The following E2F3 variants were observed in gnomAD, a reference collection of about 807,000 sequenced individuals.
The protein encoded by E2F3 is transcription factor E2F3.
A neutral mutation model predicts 44.4 loss-of-function variants in E2F3; 11 were observed. That is an observed-to-expected ratio of 0.25 (90% confidence interval 0.16 to 0.41). E2F3 has a LOEUF of 0.41. Among genes scored for constraint, E2F3 ranks in the 10% least tolerant of loss-of-function variants. E2F3 has a pLI of 1.00. For synonymous variants in E2F3, 249 were observed against 253.0 expected (o/e 0.98, Z 0.15); for missense variants, 487 against 583.6 (o/e 0.83, Z 1.70).
At chr6:20,483,837 C>T (rs1762308526) in intron 4 of E2F3, among the ~76,000 whole-genome samples, 1 of 152,210 alleles carries the variant, frequency 6.6e-6, no homozygotes, top group African/African-American at 2.4e-5. Flanking sequence ...GTGTTCTGCC[C>T]AGATTCTTCT....
chr6:20,432,813 T>C (rs1279620003), intron 1 of E2F3, among the ~76,000 whole-genome samples: 1 of 152,080 alleles, frequency 6.6e-6, no homozygotes, highest in Non-Finnish European at 1.5e-5. Flanking sequence ...GTGTGTTAAA[T>C]GTAGGGAGCA....
At chr6:20,480,068 C>A in intron 2 of E2F3, 111 bp downstream of exon 2, 2 of 1,448,444 alleles carry the variant, frequency 1.4e-6, no homozygotes, top group South Asian at 1.5e-5. Flanking sequence ...ATGTTTTGTT[C>A]TTTTTCATTT....
intron 1 of E2F3, among the ~76,000 whole-genome samples, chr6:20,439,794 T>C (rs1056163840): frequency 5.3e-5 from 8 of 152,096 alleles, no homozygotes; most frequent in African/African-American, 1.7e-4. Flanking sequence ...TCCCAGAACA[T>C]TGGGGTTACA....
chr6:20,490,276 C>T lies in E2F3; in HGVS notation c.1244C>T (p.Pro415Leu), dbSNP rs1322442077. The T allele has an allele frequency of 6.2e-7, 1 of 1,614,048 alleles. No homozygotes were observed. Among genetic ancestry groups the T allele is most frequent in the African/African-American group, 1.3e-5 (1 of 74,926 alleles). The stretch of plus-strand genomic sequence containing the variant: ...TTACAGCAGACTGAGGACCAAATTC[C>T]TTCCAACCTAGAAGGACCGTTTGTG... The part of the protein sequence containing the change: ...NLLQQTEDQI[P>L]SNLEGPFVNL... Residue 415 changes from proline to leucine, a missense_variant, in exon 7 of 7, where the codon CCT becomes CTT. Pro to Leu is a moderately conservative substitution (Grantham distance 98, BLOSUM62 -3). Transcript: ENST00000346618. This position sits in a 1 kb window ranked among gnomAD's most constrained non-coding sequence, Gnocchi z 4.3.
intron 6 of E2F3, among the ~76,000 whole-genome samples, chr6:20,489,905 G>A (rs1041272762): frequency 1.3e-5 from 2 of 152,152 alleles, no homozygotes; most frequent in Non-Finnish European, 2.9e-5. Context: ...AGAAGTTCAA[G>A]ACTGCAGTGA....
chr6:20,403,713 A>C (rs1334609548), intron 1 of E2F3: 28 of 604,104 alleles, frequency 4.6e-5, no homozygotes, highest in African/African-American at 8.8e-5. Context: ...CCACCCCCCC[A>C]CCGGCGCCCG....
rs1760876159 is a variant in E2F3, at chr6:20,444,504, A to G, written c.394-35342A>G. On this transcript the variant is annotated intron_variant, in intron 1 of 6. Coordinates refer to ENST00000346618, the MANE Select transcript of E2F3 (RefSeq NM_001949.5). Reference sequence around the variant, plus strand: ...AAAATAAGAACATCTAGTATCTAATATGATCCCTCGTGGGCCCTCAAGAAA... The same window carrying G: ...AAAATAAGAACATCTAGTATCTAATGTGATCCCTCGTGGGCCCTCAAGAAA... Among the ~76,000 whole-genome samples, 3 of 152,206 alleles carry G rather than the reference A, an allele frequency of 2.0e-5. 1 individual carries two copies. Among genetic ancestry groups the G allele is most frequent in the South Asian group, 4.1e-4 (2 of 4,830 alleles).
intron 1 of E2F3, among the ~76,000 whole-genome samples, chr6:20,464,239 ACCTTGAAACTG>A (rs1241747656): frequency 1.3e-5 from 2 of 152,106 alleles, no homozygotes; most frequent in Non-Finnish European, 2.9e-5. Context: ...TTGTCTGTTC[ACCTTGAAACTG>A]CCTTGAAATG....
rs1435019480 is a variant in E2F3, at chr6:20,491,565, TTG to T, written c.*1136_*1137del. On this transcript the variant is annotated 3_prime_UTR_variant, in exon 7 of 7. Transcript: ENST00000346618. ...GCAGCAGGCATGGGTCCCTCCATCC[TTG>T]GGCTTCCCGGGCCCCTGTGACAGGG... is the stretch of plus-strand genomic sequence containing the variant. 7.7e-5 allele frequency: 16 copies of T among 208,786 alleles called. No homozygotes were observed. Among genetic ancestry groups the T allele is most frequent in the Non-Finnish European group, 1.2e-4 (12 of 102,198 alleles). 12.9% of individuals were successfully genotyped at this position (208,786 alleles called of 1,614,324 possible).
chr6:20,470,665 G>A (rs1449230945), intron 1 of E2F3, among the ~76,000 whole-genome samples: 2 of 152,092 alleles, frequency 1.3e-5, no homozygotes, highest in African/African-American at 4.8e-5. Flanking sequence ...GAGACAAAAG[G>A]TATCATCTAT....
At chr6:20,428,131 A>C (rs963870486) in intron 1 of E2F3, among the ~76,000 whole-genome samples, 13 of 152,230 alleles carry the variant, frequency 8.5e-5, no homozygotes, top group Non-Finnish European at 1.6e-4. Flanking sequence ...GAGGTGGTTA[A>C]GGGCTTGGAC....
In E2F3 at chr6:20,466,685, CTTTT is replaced by C. The variant is rs35856468; in HGVS notation, c.394-13149_394-13146del. ...TCTGTTTCATCCCTATCGGTGTGTT[CTTTT>C]TTTTTTTTTTTGAGACGGAGTCTGG... On this transcript the variant is annotated intron_variant, in intron 1 of 6. Coordinates refer to ENST00000346618, the MANE Select transcript of E2F3 (RefSeq NM_001949.5). 8.3e-3 allele frequency among the ~76,000 whole-genome samples: 1,062 copies of C among 127,676 alleles called. 11 individuals carry two copies. Among genetic ancestry groups the C allele is most frequent in the African/African-American group, 0.029 (1,007 of 34,150 alleles). The allele number at this position is 127,676 out of a possible 152,430, so 83.8% of individuals were successfully genotyped here.
intron 1 of E2F3, among the ~76,000 whole-genome samples, chr6:20,465,696 G>A (rs1013740466): frequency 7.2e-5 from 11 of 152,248 alleles, no homozygotes; most frequent in Non-Finnish European, 1.2e-4. Flanking sequence ...GAGAACATAC[G>A]ATGTTTGGTT....
At chr6:20,457,875 A>G (rs893945765) in intron 1 of E2F3, among the ~76,000 whole-genome samples, 1 of 152,156 alleles carries the variant, frequency 6.6e-6, no homozygotes, top group Non-Finnish European at 1.5e-5. Context: ...ATTTAGGTAA[A>G]GAACATTTTT....
At chr6:20,459,700 T>C (rs985578675) in intron 1 of E2F3, among the ~76,000 whole-genome samples, 1 of 152,194 alleles carries the variant, frequency 6.6e-6, no homozygotes, top group Non-Finnish European at 1.5e-5. Flanking sequence ...CCCAGCACTT[T>C]AGGAGGCCTA....
intron 1 of E2F3, among the ~76,000 whole-genome samples, chr6:20,447,750 A>G (rs1760997536): frequency 6.6e-6 from 1 of 152,196 alleles, no homozygotes; most frequent in South Asian, 2.1e-4. Context: ...AATCACCAAC[A>G]GTCATTGCCA....
intron 1 of E2F3, chr6:20,403,741 C>G (rs1759391470): frequency 1.4e-6 from 2 of 1,462,724 alleles, no homozygotes; most frequent in African/African-American, 1.5e-5. Flanking sequence ...CCTGCGCCGC[C>G]GGTCTGTTCG....
chr6:20,471,784 G>A (rs1376526717), intron 1 of E2F3, among the ~76,000 whole-genome samples: 1 of 152,084 alleles, frequency 6.6e-6, no homozygotes, highest in African/African-American at 2.4e-5. Flanking sequence ...TTGCAGAAAT[G>A]TAAACATGAA....
At chr6:20,437,501 T>C (rs1047616224) in intron 1 of E2F3, among the ~76,000 whole-genome samples, 1 of 152,116 alleles carries the variant, frequency 6.6e-6, no homozygotes, top group African/African-American at 2.4e-5. Flanking sequence ...CAAAAAAATT[T>C]TTTTTCTAAA....
Sources: allele counts gnomAD v4.1 joint callset (sites outside exome capture counted in the v4.1 genomes callset), GRCh38; gene constraint gnomAD v4.1.1; non-coding constraint Gnocchi (gnomAD v3.1); transcripts MANE v1.5; gene names NCBI Gene and HGNC (gene_info 2026-07-23, HGNC 2026-07-21).